Variants in LDLRAD4 observed in about 807,000 individuals in gnomAD.
LDLRAD4 encodes the protein low-density lipoprotein receptor class A domain-containing protein 4.
A neutral mutation model predicts 17.0 loss-of-function variants in LDLRAD4; 5 were observed. The observed-to-expected ratio is 0.29, with a 90% confidence interval of 0.15 to 0.62. LDLRAD4 has a LOEUF of 0.62. LDLRAD4 is among the 20% of genes least tolerant of loss of function. The probability of loss-of-function intolerance (pLI) is 0.84; values close to 1 mark genes in which losing one functional copy is unlikely to be tolerated. For missense variants in LDLRAD4, 340 were observed against 424.7 expected (o/e 0.80, Z 1.75); for synonymous variants, 168 against 171.8 (o/e 0.98, Z 0.17).
At chr18:13,376,531 A>G (rs937638049) in intron 1 of LDLRAD4, among the ~76,000 whole-genome samples, 2 of 152,166 alleles carry the variant, frequency 1.3e-5, no homozygotes, top group Non-Finnish European at 2.9e-5. Flanking sequence ...TATAAGACAG[A>G]CAGATCCTTT....
chr18:13,641,913 C>T, intron 4 of LDLRAD4: 1 of 985,532 alleles, frequency 1.0e-6, no homozygotes, highest in Non-Finnish European at 1.2e-6. Flanking sequence ...GACCTGGCGG[C>T]GTTCCTGGCT....
chr18:13,571,524 A>G (rs142464682), intron 3 of LDLRAD4, among the ~76,000 whole-genome samples: 139 of 152,316 alleles, frequency 9.1e-4, no homozygotes, highest in African/African-American at 3.2e-3. Context: ...CAGAGAAAAC[A>G]TGTTCTTTAA....
intron 2 of LDLRAD4, 99 bp from the exon 4 acceptor site, chr18:13,438,145 A>G (rs2090788192): frequency 1.9e-6 from 2 of 1,060,698 alleles, no homozygotes; most frequent in South Asian, 1.4e-5. Context: ...CCAAACAATC[A>G]TGGCATGCAA....
chr18:13,379,300 G>A (rs1246706003), intron 1 of LDLRAD4, among the ~76,000 whole-genome samples: 1 of 152,250 alleles, frequency 6.6e-6, no homozygotes, highest in African/African-American at 2.4e-5. Flanking sequence ...CCCCCATGGG[G>A]CACCCCCAGG....
In LDLRAD4 at chr18:13,645,059, G is replaced by A. The variant is rs1403246516; in HGVS notation, c.391-68G>A. ...ACACACACCAAGCGTAACTTTCCTT[G>A]ATTCTGACACATTTATGGTCATCAT... On this transcript the variant is annotated intron_variant, in intron 5 of 5. Transcript: ENST00000359446. This position sits in a 1 kb window ranked among gnomAD's most constrained non-coding sequence, Gnocchi z 5.7. The A allele has an allele frequency of 2.3e-6, 3 of 1,333,314 alleles. No homozygotes were observed. The highest frequency in any genetic ancestry group is 2.9e-5 in the African/African-American group (2 of 68,500). 82.6% of individuals were successfully genotyped at this position (1,333,314 alleles called of 1,614,324 possible).
At chr18:13,612,293 T>C in intron 3 of LDLRAD4, 1 of 1,024,496 alleles carries the variant, frequency 9.8e-7, no homozygotes, top group Non-Finnish European at 1.2e-6. Context: ...AAGTGCAGAC[T>C]GCTCACTGAT....
chr18:13,443,597 A>G (rs148317935), intron 3 of LDLRAD4, among the ~76,000 whole-genome samples: 24 of 152,280 alleles, frequency 1.6e-4, no homozygotes, highest in African/African-American at 5.5e-4. Context: ...CCAGGATCCA[A>G]AGAAGCCCCA....
intron 2 of LDLRAD4, among the ~76,000 whole-genome samples, chr18:13,429,806 G>A (rs1374827370): frequency 1.3e-5 from 2 of 152,230 alleles, no homozygotes; most frequent in African/African-American, 2.4e-5. Flanking sequence ...GCCGCAGGTC[G>A]CGAGGCCCCA....
chr18:13,438,280 A>T (rs775279607), exon 3 of LDLRAD4: 1 of 1,614,000 alleles, frequency 6.2e-7, no homozygotes, highest in South Asian at 1.1e-5. Context: ...AAATGCTTGT[A>T]TCTTGGTTCG....
intron 3 of LDLRAD4, among the ~76,000 whole-genome samples, chr18:13,451,612 G>T (rs1478402012): frequency 1.3e-5 from 2 of 152,176 alleles, no homozygotes; most frequent in Non-Finnish European, 2.9e-5. Flanking sequence ...ATACAGATGG[G>T]ATGGCTTATA....
chr18:13,329,961 ATT>A (rs1329794025), intron 1 of LDLRAD4, among the ~76,000 whole-genome samples: 1 of 138,056 alleles, frequency 7.2e-6, no homozygotes, highest in Non-Finnish European at 1.6e-5. Context: ...ACTCCCTCCA[ATT>A]TTTTTTTTTT....
intron 3 of LDLRAD4, among the ~76,000 whole-genome samples, chr18:13,608,489 AT>A (rs1221676848): frequency 6.6e-6 from 1 of 151,982 alleles, no homozygotes; most frequent in Non-Finnish European, 1.5e-5. Flanking sequence ...CCACTCAGAA[AT>A]TTTTTTCTGA....
intron 1 of LDLRAD4, among the ~76,000 whole-genome samples, chr18:13,220,966 C>A (rs1045461429): frequency 1.2e-4 from 18 of 152,286 alleles, no homozygotes; most frequent in African/African-American, 4.3e-4. Flanking sequence ...CACGTAAAAC[C>A]AAAGCCACCT....
At chr18:13,285,643 C>T (rs2045579073) in intron 1 of LDLRAD4, among the ~76,000 whole-genome samples, 1 of 152,134 alleles carries the variant, frequency 6.6e-6, no homozygotes, top group Non-Finnish European at 1.5e-5. Context: ...GTCTGCTTAG[C>T]CTGACGCTTT....
At chr18:13,250,359 T>C (rs927911504) in intron 1 of LDLRAD4, among the ~76,000 whole-genome samples, 2 of 152,106 alleles carry the variant, frequency 1.3e-5, no homozygotes, top group Non-Finnish European at 2.9e-5. Flanking sequence ...GTCATTGGTA[T>C]TTTGGTGCTT....
At chr18:13,563,881 T>A (rs2094566083) in intron 3 of LDLRAD4, among the ~76,000 whole-genome samples, 1 of 152,054 alleles carries the variant, frequency 6.6e-6, no homozygotes, top group Admixed American at 6.6e-5. Flanking sequence ...ATTTTCTTTT[T>A]AAAAAATTAT....
At chr18:13,572,102 C>A (rs2094700557) in intron 3 of LDLRAD4, among the ~76,000 whole-genome samples, 1 of 152,084 alleles carries the variant, frequency 6.6e-6, no homozygotes, top group Non-Finnish European at 1.5e-5. Flanking sequence ...CAAAATCAAT[C>A]ACAAAAACAA....
chr18:13,318,543 A>C (rs1479730106), intron 1 of LDLRAD4, among the ~76,000 whole-genome samples: 2 of 152,184 alleles, frequency 1.3e-5, no homozygotes, highest in Admixed American at 6.5e-5. Context: ...ATTCATAGTG[A>C]ATCTTAAGTG....
chr18:13,560,857 A>ATG, intron 3 of LDLRAD4, among the ~76,000 whole-genome samples: 1 of 152,356 alleles, frequency 6.6e-6, no homozygotes, highest in East Asian at 1.9e-4. Flanking sequence ...TGCGGTTGAA[A>ATG]TGACTCTTGG....
Sources: allele counts gnomAD v4.1 joint callset (sites outside exome capture counted in the v4.1 genomes callset), GRCh38; gene constraint gnomAD v4.1.1; non-coding constraint Gnocchi (gnomAD v3.1); transcripts MANE v1.5; gene names NCBI Gene and HGNC (gene_info 2026-07-23, HGNC 2026-07-21).